HCN1: variants seen among roughly 807,000 people sequenced by gnomAD.
The protein encoded by HCN1 is potassium/sodium hyperpolarization-activated cyclic nucleotide-gated channel 1.
HCN1 carries 13 observed loss-of-function variants against 78.9 expected under a neutral mutation model. The observed-to-expected ratio is 0.16, with a 90% CI of 0.11 to 0.26. The LOEUF is 0.26. Ranked by LOEUF, HCN1 falls within the 10% of genes least tolerant of loss-of-function variation. The pLI is 1.00. For missense variants in HCN1, 810 were observed against 1,154.3 expected, an observed-to-expected ratio of 0.70 and a Z score of 4.32; for synonymous variants, 552 against 455.5, an observed-to-expected ratio of 1.21 and a Z score of -2.70.
intron 2 of HCN1, among the ~76,000 whole-genome samples, chr5:45,540,162 G>C (rs550114664): frequency 2.0e-5 from 3 of 151,594 alleles, no homozygotes; most frequent in African/African-American, 7.3e-5. Flanking sequence ...TTTAATGCTC[G>C]AGTTTCAACT....
chr5:45,556,276 C>T (rs11741075), intron 2 of HCN1, among the ~76,000 whole-genome samples: 68,670 of 151,550 alleles, frequency 0.45, 18,155 homozygotes, highest in Non-Finnish European at 0.57. Flanking sequence ...AAAGACAACC[C>T]GCAAAATGGG....
rs555004472 is a variant in HCN1, at chr5:45,627,637, C to A, written c.849+17548G>T. 8.8e-4 allele frequency among the ~76,000 whole-genome samples: 134 copies of A among 152,190 alleles called. 1 individual carries two copies. Among genetic ancestry groups the A allele is most frequent in the African/African-American group, 2.8e-3 (118 of 41,546 alleles). On this transcript the variant is annotated intron_variant, in intron 2 of 7. Coordinates refer to ENST00000303230, the MANE Select transcript of HCN1 (RefSeq NM_021072.4). ...TAATACCTATCATGTCTACTTTGCA[C>A]CACATATATGCTGTTAGAAGAAAAT...
chr5:45,617,185 G>A (rs913820324), intron 2 of HCN1: 3 of 152,062 alleles, frequency 2.0e-5, no homozygotes, highest in Non-Finnish European at 4.4e-5. Flanking sequence ...GCTTGCACAT[G>A]TTTTATAGAA....
At chr5:45,312,916 C>T (rs551148653) in intron 5 of HCN1, among the ~76,000 whole-genome samples, 38 of 152,286 alleles carry the variant, frequency 2.5e-4, no homozygotes, top group Admixed American at 9.2e-4. Context: ...GGCCTGCCTG[C>T]CTCTGTAGAC....
intron 2 of HCN1, among the ~76,000 whole-genome samples, chr5:45,584,817 G>A (rs1744172974): frequency 6.6e-6 from 1 of 152,278 alleles, no homozygotes; most frequent in Middle Eastern, 3.4e-3. Context: ...ATGAAATTCT[G>A]GGTTGAAAAT....
intron 2 of HCN1, among the ~76,000 whole-genome samples, chr5:45,504,126 G>A (rs570275787): frequency 3.3e-4 from 50 of 152,144 alleles, no homozygotes; most frequent in Admixed American, 1.2e-3. Flanking sequence ...TATACATTAA[G>A]TTCTAGGGTA....
Position 45,267,228 on chromosome 5 carries a change from A to G in HCN1, c.1644T>C (p.Arg548=). The G allele has an allele frequency of 6.2e-7, 1 of 1,614,074 alleles. No homozygotes were observed. Among genetic ancestry groups the G allele is most frequent in the Non-Finnish European group, 8.5e-7 (1 of 1,179,976 alleles). The change falls in exon 7 of 8, where the codon CGT becomes CGC. Residue 548 remains arginine (R), a synonymous_variant. Coordinates refer to ENST00000303230, the MANE Select transcript of HCN1 (RefSeq NM_021072.4). ...TATCAGCTCGAACACTGGCAGTACG[A>G]CGTCCTTTGGTCAGCAGGCAAATCT... ...FGEICLLTKG[R]RTASVRADTY...
In HCN1 at chr5:45,463,062, T is replaced by C. The variant is rs1011302752; in HGVS notation, c.850-1055A>G. Among the ~76,000 whole-genome samples the C allele has an allele frequency of 1.2e-4, 18 of 152,038 alleles. 1 individual carries two copies. The highest frequency in any genetic ancestry group is 3.4e-4 in the African/African-American group (14 of 41,438). ...CTTATAAACACAATAACTTCAGATA[T>C]TTAGAATCACTTTTTGTATAATTCA... is the stretch of plus-strand genomic sequence containing the variant. On this transcript the variant is annotated intron_variant, in intron 2 of 7. Transcript: ENST00000303230.
intron 2 of HCN1, among the ~76,000 whole-genome samples, chr5:45,633,455 A>C (rs1353792206): frequency 6.6e-6 from 1 of 152,008 alleles, no homozygotes; most frequent in Non-Finnish European, 1.5e-5. Context: ...CTTTCTAAAT[A>C]GATAGTGGAG....
intron 4 of HCN1, among the ~76,000 whole-genome samples, chr5:45,357,504 G>A (rs1188875475): frequency 6.6e-6 from 1 of 151,456 alleles, no homozygotes; most frequent in East Asian, 1.9e-4. Context: ...CATTAATTCC[G>A]CCTCCTTTTC....
chr5:45,274,043 A>G (rs1433280651), intron 6 of HCN1, among the ~76,000 whole-genome samples: 2 of 152,180 alleles, frequency 1.3e-5, no homozygotes, highest in Non-Finnish European at 2.9e-5. Flanking sequence ...ACAGTACTTT[A>G]ATGCATTTCA....
At chr5:45,584,419 G>C (rs572679633) in intron 2 of HCN1, among the ~76,000 whole-genome samples, 125 of 152,286 alleles carry the variant, frequency 8.2e-4, no homozygotes, top group African/African-American at 2.7e-3. Flanking sequence ...GAGCCTACAA[G>C]TTTCTCTGCA....
chr5:45,672,380 A>C (rs1852593), intron 1 of HCN1, among the ~76,000 whole-genome samples: 146,424 of 151,380 alleles, frequency 0.97, 71,004 homozygotes, highest in East Asian at 1. Context: ...CTTCTTTAGG[A>C]CTCAGTGAGC....
intron 2 of HCN1, among the ~76,000 whole-genome samples, chr5:45,616,045 G>A (rs1364119895): frequency 6.7e-6 from 1 of 149,826 alleles, no homozygotes; most frequent in African/African-American, 2.5e-5. Context: ...ACTAAAAGAG[G>A]TATTTGGTAT....
At chr5:45,316,969 T>C (rs1227939542) in intron 5 of HCN1, among the ~76,000 whole-genome samples, 1 of 152,068 alleles carries the variant, frequency 6.6e-6, no homozygotes, top group East Asian at 1.9e-4. Context: ...GAATCAATAT[T>C]GTGTAAATGG....
chr5:45,550,944 G>T (rs1395129020), intron 2 of HCN1, among the ~76,000 whole-genome samples: 2 of 151,818 alleles, frequency 1.3e-5, no homozygotes, highest in Non-Finnish European at 2.9e-5. Context: ...CATTTCTATG[G>T]ATTTTGCATT....
At chr5:45,531,212 TTTC>T (rs1742841114) in intron 2 of HCN1, among the ~76,000 whole-genome samples, 1 of 152,182 alleles carries the variant, frequency 6.6e-6, no homozygotes, top group African/African-American at 2.4e-5. Flanking sequence ...CTGATAAATT[TTTC>T]TTCTTATTGA....
intron 4 of HCN1, among the ~76,000 whole-genome samples, chr5:45,373,004 T>A (rs1160792354): frequency 7.3e-6 from 1 of 137,000 alleles, no homozygotes; most frequent in African/African-American, 2.6e-5. Context: ...AAAAATAAAA[T>A]TATATAAAAT....
At chr5:45,475,663 C>T (rs548077600) in intron 2 of HCN1, among the ~76,000 whole-genome samples, 1 of 152,236 alleles carries the variant, frequency 6.6e-6, no homozygotes, top group South Asian at 2.1e-4. Context: ...ACTCACAAAT[C>T]ACTGTCATGT....
Sources: allele counts gnomAD v4.1 joint callset (sites outside exome capture counted in the v4.1 genomes callset), GRCh38; gene constraint gnomAD v4.1.1; transcripts MANE v1.5; gene names NCBI Gene and HGNC (gene_info 2026-07-23, HGNC 2026-07-21).